Variants in MAP3K15 observed in about 807,000 individuals in gnomAD.
MAP3K15 encodes the protein MAPK/ERK kinase kinase 15.
MAP3K15 carries 124 observed loss-of-function variants against 99.5 expected under a neutral mutation model. The ratio of observed to expected loss-of-function variants is 1.25; its 90% CI spans 1.08 to 1.45. The LOEUF is 1.45. MAP3K15 is among the 40% of genes most tolerant of loss of function. The pLI is 0.00. For missense variants in MAP3K15, 1,242 were observed against 1,079.7 expected, an observed-to-expected ratio of 1.15 and a Z score of -2.11; for synonymous variants, 494 against 439.6, an observed-to-expected ratio of 1.12 and a Z score of -1.55.
In MAP3K15 at chrX:19,485,525, C is replaced by T. The variant is rs767476148; in HGVS notation, c.525+957G>A. ...AATAGTAATCACGTGCACTATACCA[C>T]GTGCTCTGTTTCTGAAACTTATGTC... is the stretch of plus-strand genomic sequence containing the variant. On this transcript the variant is annotated intron_variant, in intron 3 of 28. Coordinates refer to ENST00000338883, the MANE Select transcript of MAP3K15 (RefSeq NM_001001671.4). Among the ~76,000 whole-genome samples the T allele has an allele frequency of 8.2e-5, 9 of 109,979 alleles. 1 individual carries two copies. The highest frequency in any genetic ancestry group is 3.0e-4 in the African/African-American group (9 of 30,242).
At chrX:19,387,745 T>TA (rs1201077533) in intron 18 of MAP3K15, among the ~76,000 whole-genome samples, 4 of 110,842 alleles carry the variant, frequency 3.6e-5, no homozygotes, top group Admixed American at 9.6e-5. Flanking sequence ...GGCTGCCCAA[T>TA]AAAAAAATAA....
chrX:19,509,155 C>A lies in MAP3K15; in HGVS notation c.361+5746G>T, dbSNP rs147008648. Among the ~76,000 whole-genome samples, 982 of 111,032 alleles carry A rather than the reference C, an allele frequency of 8.8e-3. 21 individuals are homozygous for A. The highest frequency in any genetic ancestry group is 0.076 in the East Asian group (266 of 3,509). On this transcript the variant is annotated intron_variant, in intron 1 of 28. Transcript: ENST00000338883. ...AGGAGATGGAAAACCACAGTCAAAC[C>A]TGACTTTGACTTGCTGTGAGAACAG...
chrX:19,432,592 A>C (rs755295180), intron 6 of MAP3K15, among the ~76,000 whole-genome samples: 1 of 109,739 alleles, frequency 9.1e-6, no homozygotes, highest in East Asian at 2.8e-4. Context: ...AAAAGGAAAG[A>C]CAATTGGGAA....
At chrX:19,502,818 T>C (rs970740286) in intron 1 of MAP3K15, among the ~76,000 whole-genome samples, 8 of 111,783 alleles carry the variant, frequency 7.2e-5, no homozygotes, top group African/African-American at 2.6e-4. Flanking sequence ...TGAGACCCTG[T>C]CTCAAAACAA....
chrX:19,440,445 T>A (rs775699364), intron 6 of MAP3K15, among the ~76,000 whole-genome samples: 116 of 112,734 alleles, frequency 1.0e-3, no homozygotes, highest in Middle Eastern at 4.6e-3. Context: ...TGTGTCTTAG[T>A]GTGAACAATG....
intron 6 of MAP3K15, among the ~76,000 whole-genome samples, chrX:19,455,794 A>T (rs2064089045): frequency 9.0e-6 from 1 of 110,900 alleles, no homozygotes; most frequent in Admixed American, 9.7e-5. Context: ...GTAACTTAAA[A>T]GGCCCTTATA....
At chrX:19,406,699 G>C (rs1401618096) in intron 13 of MAP3K15, among the ~76,000 whole-genome samples, 1 of 112,670 alleles carries the variant, frequency 8.9e-6, no homozygotes, top group Non-Finnish European at 1.9e-5. Flanking sequence ...AATGCTGAAT[G>C]TTATGTTATT....
In MAP3K15 at chrX:19,361,410, A is replaced by C. The variant is rs1195170721; in HGVS notation, c.3786T>G (p.Val1262=). 8.3e-7 allele frequency: 1 copy of C among 1,202,745 alleles called. No individual in the cohort carries two copies. Among genetic ancestry groups the C allele is most frequent in the East Asian group, 3.0e-5 (1 of 33,790 alleles). Residue 1262 remains valine, a synonymous_variant, in exon 28 of 29, where the codon GTT becomes GTG. Coordinates refer to ENST00000338883, the MANE Select transcript of MAP3K15 (RefSeq NM_001001671.4). The part of the protein sequence containing the change: ...GADAKTIEKI[V]EEGYTLSDIL... ...TATCCGAAAGTGTATAACCCTCTTC[A>C]ACAATCTGAAACAAAGATCAGATCC...
At chrX:19,369,800 C>T (rs1454740635) in intron 24 of MAP3K15, among the ~76,000 whole-genome samples, 12 of 110,453 alleles carry the variant, frequency 1.1e-4, no homozygotes, top group African/African-American at 3.6e-4. Context: ...GCCCCAGCTA[C>T]TCCGGAGGCT....
At position 19,360,112 on chromosome X, in the gene MAP3K15, GA is replaced by G. The variant is rs2063262044; in HGVS notation, c.*636del. On this transcript the variant is annotated 3_prime_UTR_variant, in exon 29 of 29. Transcript: ENST00000338883. Reference sequence around the variant, plus strand: ...AGAGGACAGTTCCATTTTAAAATAAGACTTTTGTAATCATTCCAATTTTGTA... The same window carrying G: ...AGAGGACAGTTCCATTTTAAAATAAGCTTTTGTAATCATTCCAATTTTGTA... 6.8e-6 allele frequency: 1 copy of G among 146,613 alleles called. No homozygotes were observed. The highest frequency in any genetic ancestry group is 1.2e-5 in the Non-Finnish European group (1 of 80,742). The allele number at this position is 146,613 out of a possible 1,213,427, so 12.1% of individuals were successfully genotyped here. A position where few individuals can be genotyped will look rare whatever the true frequency, so the allele number is the denominator to read the frequency against.
At chrX:19,463,930 T>C (rs1279918811) in intron 4 of MAP3K15, among the ~76,000 whole-genome samples, 1 of 111,003 alleles carries the variant, frequency 9.0e-6, no homozygotes, top group Non-Finnish European at 1.9e-5. Flanking sequence ...GACAACTTCC[T>C]ATAAGTTGTC....
chrX:19,433,207 T>C (rs1372528007), intron 6 of MAP3K15, among the ~76,000 whole-genome samples: 1 of 111,354 alleles, frequency 9.0e-6, no homozygotes, highest in Admixed American at 9.6e-5. Context: ...GTTAATTTTA[T>C]GTGTCAGCTT....
intron 9 of MAP3K15, among the ~76,000 whole-genome samples, 157 bp from the exon 10 acceptor site, chrX:19,415,414 T>C (rs1406068175): frequency 8.9e-6 from 1 of 112,183 alleles, no homozygotes; most frequent in Non-Finnish European, 1.9e-5. Context: ...ACAAAACTAA[T>C]TAAGAAAACA....
At chrX:19,411,549 G>C (rs1020582223) in intron 11 of MAP3K15, among the ~76,000 whole-genome samples, 2 of 112,215 alleles carry the variant, frequency 1.8e-5, no homozygotes, top group African/African-American at 3.2e-5. Flanking sequence ...CATACCATGG[G>C]GGGCGGTGAA....
At chrX:19,509,251 T>C (rs1191808945) in intron 1 of MAP3K15, among the ~76,000 whole-genome samples, 1 of 111,838 alleles carries the variant, frequency 8.9e-6, no homozygotes, top group Non-Finnish European at 1.9e-5. Flanking sequence ...GCAGACCTGA[T>C]AGATATCTAC....
chrX:19,368,392 C>T (rs1393043266), intron 25 of MAP3K15, among the ~76,000 whole-genome samples: 2 of 112,711 alleles, frequency 1.8e-5, no homozygotes, highest in East Asian at 2.8e-4. Context: ...CCACTCACCT[C>T]GGCCTCTCAA....
At position 19,395,278 on chromosome X, in the gene MAP3K15, C is replaced by T. The variant is rs1263886669; in HGVS notation, c.2067-70G>A. The T allele has an allele frequency of 4.7e-6, 5 of 1,055,064 alleles. No individual in the cohort carries two copies. In the African/African-American group the frequency reaches 9.4e-5, roughly 20 times the overall value. The allele number at this position is 1,055,064 out of a possible 1,213,427, so 86.9% of individuals were successfully genotyped here. On this transcript the variant is annotated intron_variant, in intron 15 of 28. Transcript: ENST00000338883. Reference sequence around the variant, plus strand: ...ACTCTAGAACCACATCTCACCTCACCAGGACCTGCCCCACTGCTGCCCATC... The same window carrying T: ...ACTCTAGAACCACATCTCACCTCACTAGGACCTGCCCCACTGCTGCCCATC...
At chrX:19,402,381 T>C (rs2063615535) in intron 13 of MAP3K15, among the ~76,000 whole-genome samples, 1 of 111,159 alleles carries the variant, frequency 9.0e-6, no homozygotes, top group Admixed American at 9.6e-5. Context: ...GGAGTGTAAA[T>C]TGACATGACC....
chrX:19,380,339 T>C lies in MAP3K15; in HGVS notation c.2432-62A>G, dbSNP rs1389500903. 9 of 1,131,416 alleles carry C rather than the reference T, an allele frequency of 8.0e-6. No homozygotes were observed. In the South Asian group the frequency reaches 1.6e-4, roughly 20 times the overall value. 93.2% of individuals were successfully genotyped at this position (1,131,416 alleles called of 1,213,427 possible). On this transcript the variant is annotated intron_variant, in intron 18 of 28. Coordinates refer to ENST00000338883, the MANE Select transcript of MAP3K15 (RefSeq NM_001001671.4). The stretch of plus-strand genomic sequence containing the variant: ...TATTGCTCAGAAACTAAGTGGCCTG[T>C]AGTCCCAGCTACTCGGGAGGCTGAG...
Sources: allele counts gnomAD v4.1 joint callset (sites outside exome capture counted in the v4.1 genomes callset), GRCh38; gene constraint gnomAD v4.1.1; transcripts MANE v1.5; gene names NCBI Gene and HGNC (gene_info 2026-07-23, HGNC 2026-07-21).